The following DNAH14 variants were observed in gnomAD, a reference collection of about 807,000 sequenced individuals.
DNAH14 encodes axonemal beta dynein heavy chain 14.
Under a neutral mutation model 520.9 loss-of-function variants are expected in DNAH14, and 478 were observed. That is an observed-to-expected ratio of 0.92 (90% CI 0.85 to 0.99). The LOEUF is 0.99. Ranked by LOEUF, DNAH14 falls within the 50% of genes least tolerant of loss-of-function variation. The probability of loss-of-function intolerance (pLI) is 0.00; values close to 1 mark genes in which losing one functional copy is unlikely to be tolerated. For synonymous variants in DNAH14, 1,581 were observed against 1,757.2 expected, an observed-to-expected ratio of 0.90 and a Z score of 2.51; for missense variants, 4,831 against 5,234.5, an observed-to-expected ratio of 0.92 and a Z score of 2.38.
intron 27 of DNAH14, among the ~76,000 whole-genome samples, chr1:225,130,726 C>T (rs1350485171): frequency 2.7e-5 from 4 of 146,256 alleles, no homozygotes; most frequent in East Asian, 2.1e-4. Flanking sequence ...TGCTAAATGA[C>T]GAGTTAATGG....
rs540510876 is a variant in DNAH14 at position 224,994,466 on chromosome 1, A to G, written c.831-8317A>G. On this transcript the variant is annotated intron_variant, in intron 8 of 85. Transcript: ENST00000682510. ...TTTTATAGTTTTTGACTTAAAGTCTATTTTATCTGATATAACTATAACCAC... is the reference window on the plus strand; with the variant it reads ...TTTTATAGTTTTTGACTTAAAGTCTGTTTTATCTGATATAACTATAACCAC... Among the ~76,000 whole-genome samples, 670 of 152,020 alleles carry G rather than the reference A, an allele frequency of 4.4e-3. 2 individuals carry two copies. The highest frequency in any genetic ancestry group is 7.0e-3 in the Non-Finnish European group (478 of 67,854).
At chr1:225,136,728 G>T (rs917297101) in intron 27 of DNAH14, among the ~76,000 whole-genome samples, 4 of 152,148 alleles carry the variant, frequency 2.6e-5, no homozygotes, top group African/African-American at 9.7e-5. Context: ...TCTCCTGGAT[G>T]ATATGCTGAA....
chr1:224,951,794 G>C (rs2060195194), intron 1 of DNAH14, among the ~76,000 whole-genome samples: 1 of 151,996 alleles, frequency 6.6e-6, no homozygotes, highest in African/African-American at 2.4e-5. Context: ...GGGACTACAG[G>C]CGCCCACCAC....
intron 11 of DNAH14, among the ~76,000 whole-genome samples, chr1:225,029,889 A>G (rs2066405683): frequency 6.6e-6 from 1 of 151,990 alleles, no homozygotes; most frequent in Admixed American, 6.6e-5. Context: ...CTACCATCCT[A>G]AAAGTTTCTG....
intron 23 of DNAH14, among the ~76,000 whole-genome samples, chr1:225,101,738 A>T (rs2075481838): frequency 6.6e-6 from 1 of 151,874 alleles, no homozygotes; most frequent in Admixed American, 6.6e-5. Flanking sequence ...TATATACCAC[A>T]TTTTCTTTAT....
intron 62 of DNAH14, among the ~76,000 whole-genome samples, chr1:225,323,940 C>T (rs1480895556): frequency 6.6e-6 from 1 of 152,058 alleles, no homozygotes; most frequent in Non-Finnish European, 1.5e-5. Context: ...CTCAGCTTCC[C>T]TGGTAGCTAG....
intron 8 of DNAH14, among the ~76,000 whole-genome samples, chr1:224,994,022 A>G (rs928134965): frequency 2.0e-5 from 3 of 151,984 alleles, no homozygotes; most frequent in African/African-American, 7.2e-5. Context: ...TTCTATTTTC[A>G]TACCACAGTA....
At chr1:224,986,615 A>G (rs1339906312) in intron 8 of DNAH14, among the ~76,000 whole-genome samples, 1 of 152,248 alleles carries the variant, frequency 6.6e-6, no homozygotes, top group East Asian at 1.9e-4. Flanking sequence ...AGGATTTGAT[A>G]AAATCCAACA....
In DNAH14 at chr1:224,932,465, G is replaced by A. The variant is rs113650466; in HGVS notation, c.-34+2630G>A. Among the ~76,000 whole-genome samples the A allele has an allele frequency of 9.5e-3, 1,446 of 151,998 alleles. 10 individuals are homozygous for A. The highest frequency in any genetic ancestry group is 0.015 in the African/African-American group (636 of 41,502). On this transcript the variant is annotated intron_variant, in intron 1 of 85. Transcript: ENST00000682510. ...TGCAGAAACTTTCTAGTTTAAGTCC[G>A]ATTTGTCTATTTTTATTTTTATTGC...
At chr1:225,053,290 C>G (rs2068718481) in intron 17 of DNAH14, among the ~76,000 whole-genome samples, 1 of 152,000 alleles carries the variant, frequency 6.6e-6, no homozygotes, top group South Asian at 2.1e-4. Flanking sequence ...CAAAAGAGAA[C>G]AAGGCATACC....
At chr1:224,954,160 A>T (rs746212828) in intron 2 of DNAH14, among the ~76,000 whole-genome samples, 3 of 152,040 alleles carry the variant, frequency 2.0e-5, no homozygotes, top group Non-Finnish European at 4.4e-5. Context: ...TGAAGGGGAA[A>T]ATTTTCAAGA....
At chr1:225,143,881 C>T (rs922911903) in intron 28 of DNAH14, among the ~76,000 whole-genome samples, 1 of 152,174 alleles carries the variant, frequency 6.6e-6, no homozygotes, top group African/African-American at 2.4e-5. Context: ...AAATGTAACT[C>T]AAAACCTTCT....
chr1:225,396,505 AC>A (rs1436651921), intron 84 of DNAH14: 4 of 152,182 alleles, frequency 2.6e-5, no homozygotes. Flanking sequence ...CTGACTCTAC[AC>A]CCATAGCCTA....
chr1:225,080,273 A>G (rs1234115113), intron 18 of DNAH14, 106 bp from the exon 19 acceptor site: 1 of 1,134,256 alleles, frequency 8.8e-7, no homozygotes, highest in Non-Finnish European at 1.2e-6. Flanking sequence ...TCACTCACTT[A>G]TCAGGTAAAA....
intron 55 of DNAH14, among the ~76,000 whole-genome samples, chr1:225,290,610 T>G (rs1004486949): frequency 7.0e-6 from 1 of 142,460 alleles, no homozygotes; most frequent in African/African-American, 2.5e-5. Flanking sequence ...TGTGTGTGTG[T>G]GTATGTGTGT....
At chr1:225,383,624 C>T (rs1342443182) in intron 81 of DNAH14, among the ~76,000 whole-genome samples, 1 of 152,146 alleles carries the variant, frequency 6.6e-6, no homozygotes, top group East Asian at 1.9e-4. Flanking sequence ...GGAACTAGCA[C>T]ATTCAGAGAC....
chr1:225,333,406 G>A lies in DNAH14; in HGVS notation c.9980G>A (p.Arg3327His), dbSNP rs1315506273. 7.7e-6 allele frequency: 12 copies of A among 1,551,332 alleles called. No homozygotes were observed. The highest frequency in any genetic ancestry group is 3.9e-5 in the Admixed American group (2 of 50,960). The change falls in exon 66 of 86, where the codon CGC (arginine) becomes CAC (histidine). Residue 3327 changes from arginine to histidine, a missense_variant. Coordinates refer to ENST00000682510, the MANE Select transcript of DNAH14 (RefSeq NM_001367479.1). ...AGTGGAATTTTAACACCAGAATTTC[G>A]CCAGTTGATTGTGAATAAATGGGAG... The part of the protein sequence containing the change: ...VYSGILTPEF[R>H]QLIVNKWETF...
chr1:225,235,921 T>C (rs943185004), intron 42 of DNAH14, among the ~76,000 whole-genome samples: 7 of 152,148 alleles, frequency 4.6e-5, no homozygotes, highest in African/African-American at 1.7e-4. Flanking sequence ...TATTTGATTC[T>C]TATGTTTTCT....
chr1:225,312,175 T>G (rs992068312), intron 60 of DNAH14, among the ~76,000 whole-genome samples: 5 of 152,170 alleles, frequency 3.3e-5, no homozygotes, highest in African/African-American at 1.2e-4. Flanking sequence ...CCTTGTAAGT[T>G]GTATTCCTAG....
Sources: allele counts gnomAD v4.1 joint callset (sites outside exome capture counted in the v4.1 genomes callset), GRCh38; gene constraint gnomAD v4.1.1; transcripts MANE v1.5; gene names NCBI Gene and HGNC (gene_info 2026-07-23, HGNC 2026-07-21).